Variants in ATXN1 observed in about 807,000 individuals in gnomAD.
The protein encoded by ATXN1 is ataxin-1.
A neutral mutation model predicts 56.4 loss-of-function variants in ATXN1; 8 were observed. The ratio of observed to expected loss-of-function variants is 0.14; its 90% CI spans 0.08 to 0.26. The LOEUF is 0.26. Ranked by LOEUF, ATXN1 falls within the 10% of genes least tolerant of loss-of-function variation. ATXN1 has a pLI of 1.00. For synonymous variants in ATXN1, 514 were observed against 494.6 expected, an observed-to-expected ratio of 1.04 and a Z score of -0.52; for missense variants, 987 against 1,106.5, an observed-to-expected ratio of 0.89 and a Z score of 1.53.
At chr6:16,386,222 C>G (rs1758237830) in intron 6 of ATXN1, among the ~76,000 whole-genome samples, 1 of 152,212 alleles carries the variant, frequency 6.6e-6, no homozygotes, top group African/African-American at 2.4e-5. Flanking sequence ...CCATCAATCA[C>G]TCCTCCTTGC....
chr6:16,653,648 A>G (rs1758124783), intron 3 of ATXN1, among the ~76,000 whole-genome samples: 1 of 152,142 alleles, frequency 6.6e-6, no homozygotes, highest in African/African-American at 2.4e-5. Context: ...ATTACCACCA[A>G]CAGAGTTAGT....
chr6:16,590,019 C>T (rs1449058495), intron 3 of ATXN1, among the ~76,000 whole-genome samples: 5 of 152,084 alleles, frequency 3.3e-5, no homozygotes, highest in African/African-American at 9.7e-5. Context: ...CTACACATAT[C>T]GCCATTCAAG....
chr6:16,498,389 T>C (rs1007027216), intron 5 of ATXN1, among the ~76,000 whole-genome samples: 1 of 152,236 alleles, frequency 6.6e-6, no homozygotes, highest in African/African-American at 2.4e-5. Context: ...TATTCGTCAG[T>C]TGATGGACAT....
At chr6:16,656,334 T>C (rs1581336443) in intron 3 of ATXN1, among the ~76,000 whole-genome samples, 1 of 152,346 alleles carries the variant, frequency 6.6e-6, no homozygotes, top group South Asian at 2.1e-4. Context: ...AACTGAATTA[T>C]AAATTTGCAG....
At chr6:16,759,528 C>CCGTTTTTT (rs1561842989) in intron 1 of ATXN1, among the ~76,000 whole-genome samples, 1 of 64,468 alleles carries the variant, frequency 1.6e-5, no homozygotes, top group East Asian at 1.1e-3. Flanking sequence ...CTTCTTCCGA[C>CCGTTTTTT]TGTTTTTTTT....
intron 4 of ATXN1, among the ~76,000 whole-genome samples, chr6:16,554,494 C>T (rs1371878155): frequency 6.6e-6 from 1 of 152,192 alleles, no homozygotes; most frequent in Non-Finnish European, 1.5e-5. Context: ...TCTTGTCGCC[C>T]AGGCTGGAGT....
intron 4 of ATXN1, among the ~76,000 whole-genome samples, chr6:16,544,167 GCTC>G (rs1212432786): frequency 1.3e-5 from 2 of 152,160 alleles, no homozygotes; most frequent in African/African-American, 2.4e-5. Flanking sequence ...CCGATTCCAC[GCTC>G]CTCGTCTTTC....
intron 6 of ATXN1, among the ~76,000 whole-genome samples, chr6:16,414,912 T>C (rs1222767431): frequency 1.3e-5 from 2 of 152,242 alleles, no homozygotes; most frequent in East Asian, 1.9e-4. Context: ...TATAGATTTG[T>C]GTTCAGCACA....
chr6:16,303,598 A>G lies in ATXN1; in HGVS notation c.*2731T>C, dbSNP rs1481259792. The G allele has an allele frequency of 6.5e-6, 1 of 152,692 alleles. No homozygotes were observed. The highest frequency in any genetic ancestry group is 1.9e-4 in the East Asian group (1 of 5,202). The allele number at this position is 152,692 out of a possible 1,614,324, so 9.5% of individuals were successfully genotyped here. A position where few individuals can be genotyped will look rare whatever the true frequency, so the allele number is the denominator to read the frequency against. On this transcript the variant is annotated 3_prime_UTR_variant, in exon 8 of 8. Coordinates refer to ENST00000436367, the MANE Select transcript of ATXN1 (RefSeq NM_001128164.2). The surrounding 1 kb of genome is among the most constrained non-coding windows in gnomAD (Gnocchi z 4.3). ...AATGAAATGGGACAAGTGTTTAGAA[A>G]GAACCAATTATTTTATAATTCCTAT...
intron 3 of ATXN1, among the ~76,000 whole-genome samples, chr6:16,643,787 C>T (rs894424890): frequency 6.6e-6 from 1 of 151,880 alleles, no homozygotes; most frequent in African/African-American, 2.4e-5. Context: ...AGAGTTCGAT[C>T]GTTTGTTTGA....
At chr6:16,489,608 G>A (rs573972330) in intron 5 of ATXN1, among the ~76,000 whole-genome samples, 137 of 152,244 alleles carry the variant, frequency 9.0e-4, no homozygotes, top group African/African-American at 3.0e-3. Context: ...ATGTGGAGGG[G>A]AGATGCAGAC....
At position 16,544,954 on chromosome 6, in the gene ATXN1, T is replaced by C. The variant is rs577774004; in HGVS notation, c.-360-22266A>G. ...AAGCAGCTTCCTTCTCCTTCCTTAA[T>C]AGATGATCACAGCCAGGCTTCCAGG... On this transcript the variant is annotated intron_variant, in intron 4 of 7. Coordinates refer to ENST00000436367, the MANE Select transcript of ATXN1 (RefSeq NM_001128164.2). Among the ~76,000 whole-genome samples the C allele has an allele frequency of 3.3e-5, 5 of 152,270 alleles. No homozygotes were observed. The South Asian group carries it at 1.0e-3, about 32-fold the overall frequency.
chr6:16,492,544 A>T (rs1760689314), intron 5 of ATXN1, among the ~76,000 whole-genome samples: 1 of 113,354 alleles, frequency 8.8e-6, no homozygotes, highest in Non-Finnish European at 1.8e-5. Context: ...ATCCACATAT[A>T]ATACAATACA....
intron 3 of ATXN1, among the ~76,000 whole-genome samples, chr6:16,595,100 T>C (rs1199108968): frequency 6.6e-6 from 1 of 152,216 alleles, no homozygotes; most frequent in Admixed American, 6.5e-5. Flanking sequence ...CAGGAAATCA[T>C]GTACAAATAT....
At chr6:16,480,170 AAAAAAAAT>A (rs1760407288) in intron 6 of ATXN1, among the ~76,000 whole-genome samples, 1 of 144,932 alleles carries the variant, frequency 6.9e-6, no homozygotes, top group African/African-American at 2.5e-5. Flanking sequence ...AAAAAAAAAA[AAAAAAAAT>A]ATCTAAAATG....
intron 6 of ATXN1, among the ~76,000 whole-genome samples, chr6:16,369,815 A>T (rs1762002560): frequency 6.6e-6 from 1 of 152,150 alleles, no homozygotes; most frequent in African/African-American, 2.4e-5. Context: ...TCTGCAGAGG[A>T]TGGCTGCTGT....
chr6:16,512,517 C>G (rs1474692157), intron 5 of ATXN1, among the ~76,000 whole-genome samples: 4 of 152,224 alleles, frequency 2.6e-5, no homozygotes, highest in African/African-American at 9.6e-5. Flanking sequence ...ATAAAAACAA[C>G]AGCATCTCCA....
intron 4 of ATXN1, among the ~76,000 whole-genome samples, chr6:16,572,318 A>G (rs1554116587): frequency 6.6e-6 from 1 of 152,224 alleles, no homozygotes; most frequent in Non-Finnish European, 1.5e-5. Flanking sequence ...TTAAGAAACA[A>G]TGATGTATAA....
chr6:16,727,028 AACAG>A lies in ATXN1; in HGVS notation c.-615+26201_-615+26204del, dbSNP rs147043094. 5.7e-3 allele frequency among the ~76,000 whole-genome samples: 875 copies of A among 152,300 alleles called. 8 individuals are homozygous for A. Among genetic ancestry groups the A allele is most frequent in the African/African-American group, 0.019 (780 of 41,550 alleles). The stretch of plus-strand genomic sequence containing the variant: ...TTTCCAGAAAGTCATCACAGTTTGA[AACAG>A]ACAGTGACTTATTACCCTAAAGCCT... On this transcript the variant is annotated intron_variant, in intron 2 of 7. Transcript: ENST00000436367.
Sources: gnomAD v4.1 joint callset for allele counts (sites outside exome capture counted in the v4.1 genomes callset) on GRCh38, gnomAD v4.1.1 for gene constraint, Gnocchi (gnomAD v3.1) non-coding constraint, MANE v1.5 for transcripts, NCBI Gene and HGNC (gene_info 2026-07-23, HGNC 2026-07-21) for gene names.